The following ZFP64 variants were observed in gnomAD, a reference collection of about 807,000 sequenced individuals.
ZFP64 encodes ZFP64 zinc finger protein, also known as zinc finger protein 64.
Under a neutral mutation model 51.6 loss-of-function variants are expected in ZFP64, and 14 were observed. The ratio of observed to expected loss-of-function variants is 0.27; its 90% CI spans 0.18 to 0.42. The LOEUF is 0.42. Ranked by LOEUF, ZFP64 falls within the 10% of genes least tolerant of loss-of-function variation. The pLI, the probability that ZFP64 is intolerant of heterozygous loss-of-function variation, is 1.00. For missense variants in ZFP64, 754 were observed against 906.8 expected (o/e 0.83, Z 2.16); for synonymous variants, 375 against 361.4 (o/e 1.04, Z -0.43).
At chr20:52,190,999 G>C (rs1204660821) in intron 1 of ZFP64, among the ~76,000 whole-genome samples, 1 of 152,120 alleles carries the variant, frequency 6.6e-6, no homozygotes, top group Non-Finnish European at 1.5e-5. Context: ...AATGCACCGG[G>C]AGAAACCAGG....
intron 2 of ZFP64, among the ~76,000 whole-genome samples, chr20:52,169,529 G>C (rs148858496): frequency 6.6e-6 from 1 of 152,132 alleles, no homozygotes; most frequent in Admixed American, 6.5e-5. Context: ...TTGAAAGGTA[G>C]GTGGTAGGCC....
intron 7 of ZFP64, among the ~76,000 whole-genome samples, chr20:52,094,705 C>T (rs1479219004): frequency 1.3e-5 from 2 of 151,916 alleles, no homozygotes; most frequent in South Asian, 2.1e-4. Context: ...TGCATTCCAG[C>T]CTGGGTGACA....
intron 3 of ZFP64, 36 bp from the exon 4 acceptor site, chr20:52,164,793 A>G: frequency 6.4e-7 from 1 of 1,572,502 alleles, no homozygotes; most frequent in Non-Finnish European, 8.7e-7. Context: ...TACAAAGGAA[A>G]ACTTAGTAAC....
intron 5 of ZFP64, among the ~76,000 whole-genome samples, chr20:52,132,648 A>T (rs1199908286): frequency 6.6e-6 from 1 of 152,208 alleles, no homozygotes; most frequent in Non-Finnish European, 1.5e-5. Flanking sequence ...GCCTACCAAG[A>T]TTGAATCATG....
At position 52,191,655 on chromosome 20, in the gene ZFP64, C is replaced by G. The variant is rs377419852; in HGVS notation, c.-19G>C. The G allele has an allele frequency of 6.3e-7, 1 of 1,576,828 alleles. No homozygotes were observed. Among genetic ancestry groups the G allele is most frequent in the Non-Finnish European group, 8.6e-7 (1 of 1,165,240 alleles). On this transcript the variant is annotated 5_prime_UTR_variant, in exon 1 of 6. Coordinates refer to ENST00000216923, the MANE Select transcript of ZFP64 (RefSeq NM_018197.3). The surrounding 1 kb of genome is among the most constrained non-coding windows in gnomAD (Gnocchi z 4.3). ...CGTTCATGGCCGCAGACTGGGAGGT[C>G]CCCGGCCGGCCGGGATGCCAAAGTG...
At chr20:52,158,361 G>C (rs557459854) in intron 5 of ZFP64, among the ~76,000 whole-genome samples, 2 of 152,300 alleles carry the variant, frequency 1.3e-5, no homozygotes, top group South Asian at 2.1e-4. Flanking sequence ...GCCTGTCAGA[G>C]AGATGTGAAT....
At position 52,117,612 on chromosome 20, in the gene ZFP64, C is replaced by T. The variant is rs897031019; in HGVS notation, c.764-19025G>A. The T allele has an allele frequency of 1.1e-5, 5 of 456,000 alleles. No homozygotes were observed. The East Asian group carries it at 2.8e-4, about 25-fold the overall frequency. 28.2% of individuals were successfully genotyped at this position (456,000 alleles called of 1,614,324 possible). ...CTAGCCTGGGCGACAGAGCGAAACT[C>T]TGTCTCAAAAGAAAACAAAACAAAA... On this transcript the variant is annotated intron_variant, in intron 5 of 8. Coordinates refer to the ZFP64 transcript ENST00000361387.
At position 52,151,888 on chromosome 20, in the gene ZFP64, T is replaced by G; in HGVS notation, c.*258A>C. ...CCCGTCTCTACTAAATATACAAAAA[T>G]TAGCCAGTCATGATGTCGTACACCT... On this transcript the variant is annotated 3_prime_UTR_variant, in exon 6 of 6. Coordinates refer to ENST00000216923, the MANE Select transcript of ZFP64 (RefSeq NM_018197.3). 1 of 996,910 alleles carries G rather than the reference T, an allele frequency of 1.0e-6. No homozygotes were observed. Among genetic ancestry groups the G allele is most frequent in the Non-Finnish European group, 1.3e-6 (1 of 757,018 alleles). The allele number at this position is 996,910 out of a possible 1,614,324, so 61.8% of individuals were successfully genotyped here. A position where few individuals can be genotyped will look rare whatever the true frequency, so the allele number is the denominator to read the frequency against.
intron 5 of ZFP64, among the ~76,000 whole-genome samples, chr20:52,099,728 G>C (rs1034882586): frequency 6.6e-6 from 1 of 152,236 alleles, no homozygotes; most frequent in Non-Finnish European, 1.5e-5. Context: ...GGCAGGGAGA[G>C]AGCTGGCATA....
At chr20:52,169,253 C>A (rs1245967799) in intron 2 of ZFP64, among the ~76,000 whole-genome samples, 1 of 152,194 alleles carries the variant, frequency 6.6e-6, no homozygotes, top group Non-Finnish European at 1.5e-5. Context: ...GAACCAGACT[C>A]TGGCACTTGT....
At chr20:52,182,857 C>T (rs769980709) in intron 2 of ZFP64, among the ~76,000 whole-genome samples, 12 of 152,114 alleles carry the variant, frequency 7.9e-5, no homozygotes, top group Non-Finnish European at 1.2e-4. Context: ...TGCCTTGGTG[C>T]TGGGATCCAG....
At chr20:52,137,806 T>C (rs943898634) in intron 5 of ZFP64, among the ~76,000 whole-genome samples, 7 of 152,140 alleles carry the variant, frequency 4.6e-5, no homozygotes, top group African/African-American at 9.7e-5. Context: ...AATTTCTTAA[T>C]GGAAGATTGA....
intron 5 of ZFP64, among the ~76,000 whole-genome samples, chr20:52,139,840 G>A (rs1225024146): frequency 5.5e-5 from 8 of 145,152 alleles, no homozygotes; most frequent in South Asian, 4.3e-4. Context: ...CTTTGCGGGC[G>A]CTGAGTTGTT....
intron 5 of ZFP64, among the ~76,000 whole-genome samples, chr20:52,101,777 C>G (rs1318665348): frequency 6.6e-6 from 1 of 151,690 alleles, no homozygotes; most frequent in Non-Finnish European, 1.5e-5. Context: ...CCTTGCTACT[C>G]AAAGGGTGGT....
Position 52,100,253 on chromosome 20 carries a change from T to TA in ZFP64, c.764-1667_764-1666insT, listed in dbSNP as rs199620105. Reference sequence around the variant, plus strand: ...ATCCACCCACCTCGGCCTCCCAAAGTTTTTTTTTTTGAAACAGAGTCTCAC... The same window carrying TA: ...ATCCACCCACCTCGGCCTCCCAAAGTATTTTTTTTTTGAAACAGAGTCTCAC... On this transcript the variant is annotated intron_variant, in intron 5 of 8. Coordinates refer to the ZFP64 transcript ENST00000361387. Among the ~76,000 whole-genome samples the TA allele has an allele frequency of 2.8e-4, 41 of 144,188 alleles. 1 individual carries two copies. The highest frequency in any genetic ancestry group is 7.1e-4 in the African/African-American group (25 of 35,374). The allele number at this position is 144,188 out of a possible 152,430, so 94.6% of individuals were successfully genotyped here. A position where few individuals can be genotyped will look rare whatever the true frequency, so the allele number is the denominator to read the frequency against.
At chr20:52,121,080 G>A (rs1371922078) in intron 5 of ZFP64, among the ~76,000 whole-genome samples, 1 of 152,120 alleles carries the variant, frequency 6.6e-6, no homozygotes, top group East Asian at 1.9e-4. Context: ...TGTGTGTTCT[G>A]ACTGCTCCAC....
rs765418770 is a variant in ZFP64 at position 52,085,211 on chromosome 20, G to A, written c.1284C>T (p.Asp428=). 7 of 1,614,230 alleles carry A rather than the reference G, an allele frequency of 4.3e-6. No homozygotes were observed. The highest frequency in any genetic ancestry group is 1.1e-5 in the South Asian group (1 of 91,086). ...AGTGCACGATCATGTGCCTTTTCAA[G>A]TCCGAGCTGATTTTGAACTTGGCGC... Residue 428 remains aspartate (D), a synonymous_variant, in exon 9 of 9, where the codon GAC becomes GAT. Coordinates refer to the ZFP64 transcript ENST00000361387. This position sits in a 1 kb window ranked among gnomAD's most constrained non-coding sequence, Gnocchi z 4.3.
intron 5 of ZFP64, among the ~76,000 whole-genome samples, chr20:52,120,959 G>A (rs911607245): frequency 7.2e-5 from 11 of 152,112 alleles, no homozygotes; most frequent in Non-Finnish European, 1.2e-4. Flanking sequence ...TTGCAGGCAT[G>A]AGCCACCTCA....
At chr20:52,163,917 C>T (rs6021767) in intron 4 of ZFP64, among the ~76,000 whole-genome samples, 39,901 of 152,126 alleles carry the variant, frequency 0.26, 5,410 homozygotes, top group Admixed American at 0.31. Flanking sequence ...ATTGATCTTT[C>T]TCTCTTCTTT....
Sources: gnomAD v4.1 joint callset for allele counts (sites outside exome capture counted in the v4.1 genomes callset) on GRCh38, gnomAD v4.1.1 for gene constraint, Gnocchi (gnomAD v3.1) non-coding constraint, MANE v1.5 for transcripts, NCBI Gene and HGNC (gene_info 2026-07-23, HGNC 2026-07-21) for gene names.